JARID2: variants seen among roughly 807,000 people sequenced by gnomAD.
JARID2 encodes protein Jumonji.
In JARID2, 21 loss-of-function variants were observed where a neutral mutation model predicts 125.6. The observed-to-expected ratio is 0.17, with a 90% CI of 0.12 to 0.24. The LOEUF is 0.24. JARID2 is among the 10% of genes least tolerant of loss of function. JARID2 has a pLI of 1.00. For missense variants in JARID2, 1,303 were observed against 1,639.6 expected (o/e 0.79, Z 3.55); for synonymous variants, 736 against 661.6 (o/e 1.11, Z -1.73).
At chr6:15,341,587 A>C (rs1353295904) in intron 1 of JARID2, among the ~76,000 whole-genome samples, 1 of 152,186 alleles carries the variant, frequency 6.6e-6, no homozygotes, top group African/African-American at 2.4e-5. Flanking sequence ...CATCAGAATA[A>C]TTTATATTTG....
rs1260874796 is a variant in JARID2 at position 15,437,780 on chromosome 6, G to A, written c.324-14226G>A. On this transcript the variant is annotated intron_variant, in intron 3 of 17. Transcript: ENST00000341776. ...GATCACGCCACTGGACTCCAGCCTG[G>A]CAACAGAGTGAGACTCTGTCTCAAA... Among the ~76,000 whole-genome samples the A allele has an allele frequency of 3.3e-5, 5 of 151,782 alleles. No individual in the cohort carries two copies. The East Asian group carries it at 9.6e-4, about 29-fold the overall frequency.
intron 1 of JARID2, among the ~76,000 whole-genome samples, chr6:15,256,963 A>G (rs1364328539): frequency 1.3e-5 from 2 of 152,144 alleles, no homozygotes; most frequent in East Asian, 3.8e-4. Flanking sequence ...TCTAGTGCAA[A>G]AAGATAGACT....
intron 6 of JARID2, among the ~76,000 whole-genome samples, chr6:15,490,306 T>A (rs1020597242): frequency 6.6e-6 from 1 of 152,178 alleles, no homozygotes; most frequent in Non-Finnish European, 1.5e-5. Flanking sequence ...TGTGACTGTA[T>A]TGAAATGTGG....
At chr6:15,377,469 T>C (rs992733456) in intron 2 of JARID2, among the ~76,000 whole-genome samples, 34 of 152,160 alleles carry the variant, frequency 2.2e-4, no homozygotes, top group Admixed American at 1.7e-3. Flanking sequence ...TCACAGCGGA[T>C]TGACTATAAT....
intron 1 of JARID2, among the ~76,000 whole-genome samples, chr6:15,287,910 G>A (rs57445761): frequency 6.6e-6 from 1 of 152,176 alleles, no homozygotes; most frequent in Non-Finnish European, 1.5e-5. Context: ...TGTGGTGACT[G>A]TTTCTGCCCC....
intron 3 of JARID2, among the ~76,000 whole-genome samples, chr6:15,449,211 T>TA (rs1272812540): frequency 6.6e-6 from 1 of 152,156 alleles, no homozygotes; most frequent in Non-Finnish European, 1.5e-5. Flanking sequence ...CCCCATGACA[T>TA]AGAGATAGTG....
At chr6:15,382,143 C>G (rs1319868567) in intron 2 of JARID2, among the ~76,000 whole-genome samples, 2 of 152,176 alleles carry the variant, frequency 1.3e-5, no homozygotes, top group African/African-American at 4.8e-5. Flanking sequence ...CACGCCTGTA[C>G]TCCCAGCTAC....
intron 1 of JARID2, among the ~76,000 whole-genome samples, chr6:15,311,675 G>A (rs915580504): frequency 8.6e-5 from 13 of 151,794 alleles, no homozygotes; most frequent in Non-Finnish European, 1.6e-4. Context: ...CAATACAAAA[G>A]CAAAGTCCTT....
At chr6:15,431,062 T>C (rs1305231195) in intron 3 of JARID2, among the ~76,000 whole-genome samples, 2 of 152,228 alleles carry the variant, frequency 1.3e-5, no homozygotes, top group African/African-American at 4.8e-5. Context: ...TTGTGTAATG[T>C]GGACTGGCAC....
intron 1 of JARID2, among the ~76,000 whole-genome samples, chr6:15,324,150 G>C (rs2127445483): frequency 6.6e-6 from 1 of 150,824 alleles, no homozygotes; most frequent in South Asian, 2.1e-4. Context: ...CTGCACTCCA[G>C]CCTGGGGGAC....
At chr6:15,360,680 G>A (rs1763762169) in intron 1 of JARID2, among the ~76,000 whole-genome samples, 2 of 152,040 alleles carry the variant, frequency 1.3e-5, no homozygotes, top group Admixed American at 1.3e-4. Flanking sequence ...AATTTTTGTT[G>A]TTGTAGAGAT....
chr6:15,480,088 G>C (rs771818746), intron 5 of JARID2, among the ~76,000 whole-genome samples: 1 of 152,196 alleles, frequency 6.6e-6, no homozygotes, highest in African/African-American at 2.4e-5. Context: ...TAAATATCTG[G>C]CTTGAGATCA....
chr6:15,366,527 TG>T (rs1763985003), intron 1 of JARID2, among the ~76,000 whole-genome samples: 3 of 29,030 alleles, frequency 1.0e-4, no homozygotes, highest in Non-Finnish European at 1.4e-4. Flanking sequence ...GCGGGGGGGG[TG>T]GGGGGTGGGG....
Position 15,421,194 on chromosome 6 carries a change from C to T in JARID2, c.323+10829C>T, listed in dbSNP as rs574184888. On this transcript the variant is annotated intron_variant, in intron 3 of 17. Coordinates refer to ENST00000341776, the MANE Select transcript of JARID2 (RefSeq NM_004973.4). The stretch of plus-strand genomic sequence containing the variant: ...CTGGAGGGATCATTTGTTTTCCATC[C>T]GTCAGGGATCACAGTATGTTGCTAT... Among the ~76,000 whole-genome samples, 17 of 152,198 alleles carry T rather than the reference C, an allele frequency of 1.1e-4. No individual in the cohort carries two copies. In the South Asian group the frequency reaches 3.5e-3, roughly 32 times the overall value.
intron 1 of JARID2, among the ~76,000 whole-genome samples, chr6:15,322,773 T>TG (rs35481423): frequency 1.3e-5 from 2 of 152,184 alleles, no homozygotes; most frequent in Non-Finnish European, 2.9e-5. Flanking sequence ...TGGTGAACCC[T>TG]GGGGGTAGCA....
At chr6:15,292,156 A>G (rs1761241919) in intron 1 of JARID2, among the ~76,000 whole-genome samples, 1 of 151,646 alleles carries the variant, frequency 6.6e-6, no homozygotes, top group Non-Finnish European at 1.5e-5. Flanking sequence ...AGCTGGGACC[A>G]CAGACGCCCG....
In JARID2 at chr6:15,391,316, C is replaced by A. The variant is rs146711501; in HGVS notation, c.181+17064C>A. On this transcript the variant is annotated intron_variant, in intron 2 of 17. Transcript: ENST00000341776. ...GTGAAAGCTGCCCTGTAGGCGTAGTCGGTGTTAGGTTTGTATAGGAGGGGT... is the reference window on the plus strand; with the variant it reads ...GTGAAAGCTGCCCTGTAGGCGTAGTAGGTGTTAGGTTTGTATAGGAGGGGT... 3.9e-5 allele frequency among the ~76,000 whole-genome samples: 6 copies of A among 152,168 alleles called. No individual in the cohort carries two copies. In the East Asian group the frequency reaches 1.2e-3, roughly 29 times the overall value.
chr6:15,427,759 A>T (rs1766792772), intron 3 of JARID2, among the ~76,000 whole-genome samples: 1 of 152,104 alleles, frequency 6.6e-6, no homozygotes, highest in African/African-American at 2.4e-5. Flanking sequence ...CTGGCATCTT[A>T]CGTGAAAGGC....
intron 1 of JARID2, among the ~76,000 whole-genome samples, chr6:15,358,940 G>A (rs1763697542): frequency 6.6e-6 from 1 of 152,210 alleles, no homozygotes; most frequent in African/African-American, 2.4e-5. Context: ...AAGTCAATGT[G>A]AGGGTGAGGA....
Sources: gnomAD v4.1 joint callset for allele counts (sites outside exome capture counted in the v4.1 genomes callset) on GRCh38, gnomAD v4.1.1 for gene constraint, MANE v1.5 for transcripts, NCBI Gene and HGNC (gene_info 2026-07-23, HGNC 2026-07-21) for gene names.